PLCB1: variants seen among roughly 807,000 people sequenced by gnomAD.
PLCB1 encodes the protein 1-phosphatidylinositol 4,5-bisphosphate phosphodiesterase beta-1.
Under a neutral mutation model 161.8 loss-of-function variants are expected in PLCB1, and 46 were observed. That is an observed-to-expected ratio of 0.28 (90% CI 0.22 to 0.36). The LOEUF (loss-of-function observed/expected upper bound fraction) is 0.36. PLCB1 is among the 10% of genes least tolerant of loss of function. PLCB1 has a pLI of 1.00. For missense variants in PLCB1, 1,016 were observed against 1,472.5 expected, an observed-to-expected ratio of 0.69 and a Z score of 5.07; for synonymous variants, 517 against 503.7, an observed-to-expected ratio of 1.03 and a Z score of -0.35.
intron 31 of PLCB1, among the ~76,000 whole-genome samples, chr20:8,843,778 AAC>A (rs544294075): frequency 6.6e-6 from 1 of 152,306 alleles, no homozygotes; most frequent in South Asian, 2.1e-4. Flanking sequence ...CTCCTCACTT[AAC>A]ACTTTGATAC....
intron 3 of PLCB1, among the ~76,000 whole-genome samples, chr20:8,435,657 G>A (rs999351362): frequency 3.9e-5 from 6 of 152,210 alleles, no homozygotes; most frequent in South Asian, 4.2e-4. Context: ...GAATTCTACC[G>A]TCAACCTGAA....
chr20:8,163,577 G>A (rs889620792), intron 2 of PLCB1, among the ~76,000 whole-genome samples: 8 of 152,164 alleles, frequency 5.3e-5, no homozygotes, highest in African/African-American at 1.9e-4. Flanking sequence ...TTCTTGCTTG[G>A]CCTGTGCAAA....
chr20:8,301,877 T>C (rs1234977899), intron 2 of PLCB1, among the ~76,000 whole-genome samples: 1 of 152,244 alleles, frequency 6.6e-6, no homozygotes, highest in Non-Finnish European at 1.5e-5. Flanking sequence ...TGGTCAAGAA[T>C]GTGGCTTTGG....
At chr20:8,547,205 C>T (rs996905372) in intron 3 of PLCB1, among the ~76,000 whole-genome samples, 14 of 152,202 alleles carry the variant, frequency 9.2e-5, no homozygotes, top group Non-Finnish European at 1.6e-4. Context: ...AATTTGTTTT[C>T]TGTGTTCAGT....
At chr20:8,339,994 T>C (rs1015745042) in intron 2 of PLCB1, among the ~76,000 whole-genome samples, 2 of 152,150 alleles carry the variant, frequency 1.3e-5, no homozygotes, top group African/African-American at 4.8e-5. Flanking sequence ...TTTTAAAAAG[T>C]TAATTCAATC....
intron 2 of PLCB1, among the ~76,000 whole-genome samples, chr20:8,199,879 T>C (rs1363124011): frequency 6.6e-6 from 1 of 152,120 alleles, no homozygotes; most frequent in Non-Finnish European, 1.5e-5. Flanking sequence ...CTCATAAAAT[T>C]ATTTAAGGTG....
intron 3 of PLCB1, among the ~76,000 whole-genome samples, chr20:8,626,337 G>A (rs963189986): frequency 6.6e-6 from 1 of 152,010 alleles, no homozygotes; most frequent in Non-Finnish European, 1.5e-5. Flanking sequence ...ACCTACTCTG[G>A]GTGGTCTTTA....
chr20:8,881,637 G>A lies in PLCB1; in HGVS notation c.3439G>A (p.Glu1147Lys). The part of the protein sequence containing the change: ...DEKPKLQVEL[E>K]QEYQDKFKRL... The stretch of plus-strand genomic sequence containing the variant: ...TGTCTCTCAGCTGCAGGTGGAGCTG[G>A]AGCAAGAATACCAAGACAAATTCAA... Residue 1147 changes from glutamate (E) to lysine (K), a missense_variant, in exon 32 of 32, where the codon GAG becomes AAG. Physicochemically the swap from Glu to Lys is moderately conservative, Grantham distance 56. Around this residue, in one of 10 missense-constraint regions of PLCB1, gnomAD observed 398 missense variants for 445.4 expected, o/e 0.89. Coordinates refer to ENST00000338037, the MANE Select transcript of PLCB1 (RefSeq NM_015192.4). The A allele has an allele frequency of 6.2e-7, 1 of 1,613,804 alleles. No homozygotes were observed. The highest frequency in any genetic ancestry group is 8.5e-7 in the Non-Finnish European group (1 of 1,179,790).
chr20:8,229,882 A>ATAAAATAAAT (rs780358887), intron 2 of PLCB1, among the ~76,000 whole-genome samples: 59,969 of 148,166 alleles, frequency 0.4, 13,983 homozygotes, highest in East Asian at 0.58. Context: ...ATAAAATAAA[A>ATAAAATAAAT]TAAAAATAAA....
chr20:8,806,552 C>T (rs138277483), intron 31 of PLCB1, among the ~76,000 whole-genome samples: 438 of 152,148 alleles, frequency 2.9e-3, no homozygotes, highest in Admixed American at 8.8e-3. Context: ...TTTGCTTCCC[C>T]TGAGGTCTTC....
chr20:8,564,506 C>T (rs936517347), intron 3 of PLCB1, among the ~76,000 whole-genome samples: 1 of 151,952 alleles, frequency 6.6e-6, no homozygotes, highest in Admixed American at 6.6e-5. Context: ...AAACTAAAGA[C>T]CTTCTGCACA....
At chr20:8,372,811 T>C (rs1372606558) in intron 3 of PLCB1, among the ~76,000 whole-genome samples, 1 of 152,198 alleles carries the variant, frequency 6.6e-6, no homozygotes, top group African/African-American at 2.4e-5. Context: ...AGCTATGAAA[T>C]TTATCTTTGA....
rs540831005 is a variant in PLCB1, at chr20:8,609,205, C to T, written c.247-19089C>T. 3.9e-5 allele frequency among the ~76,000 whole-genome samples: 6 copies of T among 152,184 alleles called. No homozygotes were observed. The South Asian group carries it at 6.2e-4, about 16-fold the overall frequency. ...TATTAGGTTGGTGCAAAAGTAATTGCGGTTTTTGTCATTACTTTCAATGGC... is the reference window on the plus strand; with the variant it reads ...TATTAGGTTGGTGCAAAAGTAATTGTGGTTTTTGTCATTACTTTCAATGGC... On this transcript the variant is annotated intron_variant, in intron 3 of 31. Transcript: ENST00000338037.
chr20:8,670,129 C>G (rs539818773), intron 9 of PLCB1, among the ~76,000 whole-genome samples: 1 of 152,218 alleles, frequency 6.6e-6, no homozygotes, highest in South Asian at 2.1e-4. Flanking sequence ...CCAAACACAG[C>G]TCTAAAGCTG....
chr20:8,459,034 G>C lies in PLCB1; in HGVS notation c.246+87584G>C, dbSNP rs1349839439. Among the ~76,000 whole-genome samples the C allele has an allele frequency of 2.0e-5, 3 of 152,300 alleles. No homozygotes were observed. The East Asian group carries it at 5.8e-4, about 29-fold the overall frequency. On this transcript the variant is annotated intron_variant, in intron 3 of 31. Transcript: ENST00000338037. ...ACTGATGCCATTAGACAATTTAAAA[G>C]CTGGGTTTTAGCAAAGTTTCTGAGG...
intron 2 of PLCB1, among the ~76,000 whole-genome samples, chr20:8,260,285 T>C (rs1981628798): frequency 6.6e-6 from 1 of 150,490 alleles, no homozygotes; most frequent in Admixed American, 6.7e-5. Context: ...GGTCTTTCCA[T>C]AGTGCCCAGA....
At chr20:8,388,807 C>A (rs1256554054) in intron 3 of PLCB1, among the ~76,000 whole-genome samples, 1 of 152,054 alleles carries the variant, frequency 6.6e-6, no homozygotes, top group Non-Finnish European at 1.5e-5. Flanking sequence ...TCACATTTAT[C>A]TTTAGATGTA....
At chr20:8,490,504 G>A (rs1982900396) in intron 3 of PLCB1, among the ~76,000 whole-genome samples, 1 of 152,158 alleles carries the variant, frequency 6.6e-6, no homozygotes, top group African/African-American at 2.4e-5. Context: ...GATGGACACA[G>A]GCTTTCTATT....
intron 9 of PLCB1, among the ~76,000 whole-genome samples, chr20:8,669,729 TGCAGA>T (rs1989899293): frequency 6.6e-6 from 1 of 152,196 alleles, no homozygotes; most frequent in East Asian, 1.9e-4. Context: ...TGCTTTATGC[TGCAGA>T]GCAGAGGGCC....
Sources: gnomAD v4.1 joint callset for allele counts (sites outside exome capture counted in the v4.1 genomes callset) on GRCh38, gnomAD v4.1.1 for gene constraint, gnomAD v4.1.1 regional missense constraint, MANE v1.5 for transcripts, NCBI Gene and HGNC (gene_info 2026-07-23, HGNC 2026-07-21) for gene names.